Variants in STARD8 observed in about 807,000 individuals in gnomAD.
STARD8 encodes the protein stAR-related lipid transfer protein 8.
A neutral mutation model predicts 69.4 loss-of-function variants in STARD8; 25 were observed. The observed-to-expected ratio is 0.36, with a 90% CI of 0.26 to 0.50. STARD8 has a LOEUF of 0.50. STARD8 is among the 20% of genes least tolerant of loss of function. STARD8 has a pLI of 0.96. For synonymous variants in STARD8, 389 were observed against 374.6 expected (o/e 1.04, Z -0.45); for missense variants, 921 against 932.5 (o/e 0.99, Z 0.16).
At chrX:68,671,695 G>T (rs2147885828) in intron 2 of STARD8, among the ~76,000 whole-genome samples, 1 of 112,423 alleles carries the variant, frequency 8.9e-6, no homozygotes, top group African/African-American at 3.2e-5. Flanking sequence ...TAAGGATCCA[G>T]TGGTTCCAGC....
At chrX:68,696,301 T>C (rs1328042732) in intron 2 of STARD8, among the ~76,000 whole-genome samples, 1 of 111,923 alleles carries the variant, frequency 8.9e-6, no homozygotes, top group Admixed American at 9.4e-5. Flanking sequence ...ACACAGTTGC[T>C]GGTGTCAGGT....
Position 68,647,788 on chromosome X carries a change from C to T in STARD8, c.-95C>T, listed in dbSNP as rs1039272616. On this transcript the variant is annotated 5_prime_UTR_variant, in exon 1 of 15. Coordinates refer to ENST00000374599, the MANE Select transcript of STARD8 (RefSeq NM_001142503.3). ...AGCGCAGGGACCGGGCTGGCTCTCG[C>T]CGAGCCCCGGGCCTCTTTTAGCCTC... The T allele has an allele frequency of 4.6e-6, 5 of 1,081,366 alleles. No homozygotes were observed. The African/African-American group carries it at 5.6e-5, about 12-fold the overall frequency. The allele number at this position is 1,081,366 out of a possible 1,213,427, so 89.1% of individuals were successfully genotyped here.
intron 1 of STARD8, among the ~76,000 whole-genome samples, chrX:68,662,151 G>C (rs2079655271): frequency 1.8e-5 from 2 of 110,179 alleles, no homozygotes; most frequent in Admixed American, 2.0e-4. Flanking sequence ...GGGATTGTAG[G>C]CATGTGCCAC....
In STARD8 at chrX:68,723,762, C is replaced by T. The variant is rs774938643; in HGVS notation, c.2936C>T (p.Ala979Val). 1 of 1,181,342 alleles carries T rather than the reference C, an allele frequency of 8.5e-7. No individual in the cohort carries two copies. The highest frequency in any genetic ancestry group is 1.1e-6 in the Non-Finnish European group (1 of 880,087). ...EDLLRAQVLEALMPGVELYHY... is the reference protein window; with the variant it reads ...EDLLRAQVLEVLMPGVELYHY... ...CTGCTGCGGGCCCAGGTGCTGGAAG[C>T]CCTGATGCCGGGTGTGGAGCTGTAC... The change falls in exon 13 of 15, where the codon GCC becomes GTC. Residue 979 changes from alanine (A) to valine (V), a missense_variant. Transcript: ENST00000374599.
At chrX:68,652,532 T>C (rs755681209) in intron 1 of STARD8, among the ~76,000 whole-genome samples, 167 of 111,002 alleles carry the variant, frequency 1.5e-3, no homozygotes, top group African/African-American at 4.9e-3. Context: ...CCAGTATAAA[T>C]AGTCCAATAC....
At chrX:68,690,574 G>T (rs763332482) in intron 2 of STARD8, among the ~76,000 whole-genome samples, 14 of 111,895 alleles carry the variant, frequency 1.3e-4, no homozygotes, top group Non-Finnish European at 2.4e-4. Flanking sequence ...CCAAAGGTTA[G>T]CTCTATAGCA....
chrX:68,662,049 C>T (rs1162924644), intron 1 of STARD8, among the ~76,000 whole-genome samples: 1 of 100,671 alleles, frequency 9.9e-6, no homozygotes, highest in Non-Finnish European at 2.0e-5. Flanking sequence ...CTCTTGTTGC[C>T]CAGGCTGGAG....
Position 68,670,731 on chromosome X carries a change from G to T in STARD8, c.79+5199G>T, listed in dbSNP as rs893627922. Among the ~76,000 whole-genome samples the T allele has an allele frequency of 4.5e-5, 5 of 111,106 alleles. No individual in the cohort carries two copies. In the Admixed American group the frequency reaches 4.8e-4, roughly 11 times the overall value. ...TGGATCCTTCAAACTCAACACTAAA[G>T]ATCATAATTCTTTATCATTTCTCTG... On this transcript the variant is annotated intron_variant, in intron 2 of 14. Coordinates refer to ENST00000374599, the MANE Select transcript of STARD8 (RefSeq NM_001142503.3).
At position 68,720,268 on chromosome X, in the gene STARD8, A is replaced by T. The variant is rs2080135402; in HGVS notation, c.1894A>T (p.Met632Leu). ...VPHKQGWVWS[M>L]PKFMRRNKTP... is the part of the protein sequence containing the mutation. ...ACTTGTCATTCTCCCAAACAGGTCA[A>T]TGCCCAAGTTCATGAGGAGGAACAA... The change falls in exon 8 of 15, where the codon ATG becomes TTG. Residue 632 changes from methionine (M) to leucine (L), a missense_variant. Transcript: ENST00000374599. The T allele has an allele frequency of 8.4e-7, 1 of 1,195,648 alleles. No individual in the cohort carries two copies. The highest frequency in any genetic ancestry group is 3.0e-5 in the East Asian group (1 of 33,133).
intron 1 of STARD8, among the ~76,000 whole-genome samples, chrX:68,658,007 T>G (rs914111839): frequency 3.6e-4 from 40 of 110,075 alleles, no homozygotes; most frequent in Non-Finnish European, 6.6e-4. Flanking sequence ...ATGGCTATGG[T>G]GGAGGTTGGG....
intron 2 of STARD8, among the ~76,000 whole-genome samples, chrX:68,675,782 ACTTCAGGT>A (rs1160364581): frequency 9.0e-6 from 1 of 111,251 alleles, no homozygotes; most frequent in Non-Finnish European, 1.9e-5. Flanking sequence ...TGCCTCATAC[ACTTCAGGT>A]CTCCAAAGAC....
intron 1 of STARD8, chrX:68,656,236 C>T (rs773730357): frequency 4.5e-5 from 5 of 112,037 alleles, no homozygotes; most frequent in South Asian, 7.5e-4. Context: ...ACATTTATGC[C>T]GCCAAAAGAC....
intron 7 of STARD8, 145 bp from the exon 8 acceptor site, chrX:68,720,119 G>A (rs2080133822): frequency 1.5e-6 from 1 of 663,015 alleles, no homozygotes; most frequent in Non-Finnish European, 2.1e-6. Context: ...CTGGGGCTGG[G>A]CCCAAAACAG....
In STARD8 at chrX:68,665,528, C is replaced by T. The variant is rs1404667363; in HGVS notation, c.75C>T (p.Asn25=). ...TCCCATTGCTGCAGGTGAAGAAGAA[C>T]GCTGGTAAGTACACGAGGTGGGCAT... ...KCFPLLQVKK[N]AEAEAKRACE... The change falls in exon 2 of 15, where the codon AAC becomes AAT. Residue 25 remains asparagine (N), a synonymous_variant. Transcript: ENST00000374599. 9.1e-6 allele frequency: 11 copies of T among 1,208,392 alleles called. No homozygotes were observed. The highest frequency in any genetic ancestry group is 5.4e-5 in the South Asian group (3 of 55,888).
At chrX:68,721,785 C>T in intron 10 of STARD8, 39 bp downstream of exon 10, 2 of 1,168,829 alleles carry the variant, frequency 1.7e-6, no homozygotes, top group Non-Finnish European at 2.3e-6. Flanking sequence ...GGGCTGGGTC[C>T]AGACAATTTG....
At chrX:68,705,791 C>A (rs891159102) in intron 2 of STARD8, among the ~76,000 whole-genome samples, 7 of 112,834 alleles carry the variant, frequency 6.2e-5, no homozygotes, top group Non-Finnish European at 9.4e-5. Flanking sequence ...TACTCCTTGA[C>A]CCCCACCAAT....
chrX:68,686,304 G>T (rs1233351728), intron 2 of STARD8, among the ~76,000 whole-genome samples: 2 of 112,167 alleles, frequency 1.8e-5, no homozygotes, highest in Non-Finnish European at 3.8e-5. Context: ...GCCATCATCC[G>T]CTCAGCCCCT....
At chrX:68,651,039 T>G (rs944365542) in intron 1 of STARD8, among the ~76,000 whole-genome samples, 2 of 112,291 alleles carry the variant, frequency 1.8e-5, no homozygotes, top group African/African-American at 6.5e-5. Flanking sequence ...ACATATACCC[T>G]GGCACAAACA....
intron 1 of STARD8, among the ~76,000 whole-genome samples, chrX:68,652,184 T>G (rs1325795835): frequency 9.0e-6 from 1 of 110,747 alleles, no homozygotes; most frequent in Non-Finnish European, 1.9e-5. Context: ...GTGCCTGACA[T>G]GGAGTAGGTG....
Sources: gnomAD v4.1 joint callset for allele counts (sites outside exome capture counted in the v4.1 genomes callset) on GRCh38, gnomAD v4.1.1 for gene constraint, MANE v1.5 for transcripts, NCBI Gene and HGNC (gene_info 2026-07-23, HGNC 2026-07-21) for gene names.